The following TANC2 variants were observed in gnomAD, a reference collection of about 807,000 sequenced individuals.
TANC2 encodes the protein protein TANC2.
TANC2 carries 26 observed loss-of-function variants against 210.5 expected under a neutral mutation model. The observed-to-expected ratio is 0.12, with a 90% CI of 0.09 to 0.17. TANC2 has a LOEUF of 0.17. Among genes scored for constraint, TANC2 ranks in the 10% least tolerant of loss-of-function variants. The pLI is 1.00. For missense variants in TANC2, 2,129 were observed against 2,608.9 expected (o/e 0.82, Z 4.01); for synonymous variants, 931 against 967.1 (o/e 0.96, Z 0.69).
rs1273719076 is a variant in TANC2, at chr17:63,411,834, A to T, written c.3765+148A>T. 27 of 1,401,076 alleles carry T rather than the reference A, an allele frequency of 1.9e-5. No homozygotes were observed. In the East Asian group the frequency reaches 5.9e-4, roughly 31 times the overall value. The allele number at this position is 1,401,076 out of a possible 1,614,324, so 86.8% of individuals were successfully genotyped here. The stretch of plus-strand genomic sequence containing the variant: ...CTTGCTAGAGAGCAAGAATATTCAA[A>T]ATGCTGTTAAAGATCAAGGATATAG... On this transcript the variant is annotated intron_variant, in intron 22 of 27. Coordinates refer to ENST00000689528, the Ensembl canonical transcript of TANC2.
chr17:63,314,456 A>G (rs2045246858), exon 10 of TANC2: 1 of 1,613,830 alleles, frequency 6.2e-7, no homozygotes, highest in Admixed American at 1.7e-5. Context: ...GCCCAGCATC[A>G]CTACAGAGTC....
At chr17:63,217,213 G>A (rs1321403828) in intron 7 of TANC2, among the ~76,000 whole-genome samples, 2 of 152,110 alleles carry the variant, frequency 1.3e-5, no homozygotes, top group East Asian at 3.9e-4. Context: ...ATACAGAGCA[G>A]AGATCAGTTA....
At chr17:63,115,007 T>C (rs2038198973) in intron 4 of TANC2, among the ~76,000 whole-genome samples, 1 of 152,220 alleles carries the variant, frequency 6.6e-6, no homozygotes. Flanking sequence ...TTTACATTTT[T>C]TGCAGAACTT....
At chr17:63,218,013 G>T (rs1218619708) in intron 7 of TANC2, among the ~76,000 whole-genome samples, 1 of 152,134 alleles carries the variant, frequency 6.6e-6, no homozygotes, top group Non-Finnish European at 1.5e-5. Context: ...GGTTAGGCAC[G>T]GTGGCTCACG....
intron 1 of TANC2, among the ~76,000 whole-genome samples, chr17:62,994,628 T>G (rs908911998): frequency 9.2e-5 from 14 of 152,198 alleles, no homozygotes; most frequent in African/African-American, 3.4e-4. Context: ...ATTAAAGTTT[T>G]TGTCTGTTAC....
At chr17:63,259,138 A>C (rs1028923305) in intron 8 of TANC2, among the ~76,000 whole-genome samples, 3 of 152,146 alleles carry the variant, frequency 2.0e-5, no homozygotes, top group Admixed American at 6.5e-5. Context: ...TAGGGCCCGA[A>C]ATAGGGGCCC....
intron 14 of TANC2, among the ~76,000 whole-genome samples, chr17:63,372,199 G>A (rs940028559): frequency 3.3e-5 from 5 of 152,128 alleles, no homozygotes; most frequent in South Asian, 2.1e-4. Context: ...TCCTGTTAGC[G>A]TAATTTTTAC....
chr17:63,045,563 A>AT (rs1489181830), intron 2 of TANC2, among the ~76,000 whole-genome samples: 1 of 151,678 alleles, frequency 6.6e-6, no homozygotes, highest in Non-Finnish European at 1.5e-5. Context: ...ATACATTTGG[A>AT]TTTTTTTCCT....
In TANC2 at chr17:63,133,586, C is replaced by T. The variant is rs188406687; in HGVS notation, c.323-17684C>T. Among the ~76,000 whole-genome samples the T allele has an allele frequency of 1.2e-4, 19 of 152,294 alleles. No individual in the cohort carries two copies. In the East Asian group the frequency reaches 3.7e-3, roughly 29 times the overall value. On this transcript the variant is annotated intron_variant, in intron 4 of 27. Coordinates refer to ENST00000689528, the Ensembl canonical transcript of TANC2. ...ATTTGGAATTGTCAGTAAATGATGG[C>T]TCACTGTTATATACTTGCTTCCAGT...
At chr17:63,283,671 A>G (rs941044846) in intron 9 of TANC2, among the ~76,000 whole-genome samples, 1 of 151,906 alleles carries the variant, frequency 6.6e-6, no homozygotes, top group Non-Finnish European at 1.5e-5. Flanking sequence ...TATCAGCTGT[A>G]TTTTCTAGCT....
chr17:63,189,245 G>A (rs2041106026), intron 5 of TANC2, among the ~76,000 whole-genome samples: 1 of 152,134 alleles, frequency 6.6e-6, no homozygotes, highest in Non-Finnish European at 1.5e-5. Context: ...TCATGTACAA[G>A]TTGATGTGTG....
intron 18 of TANC2, chr17:63,396,147 C>T (rs1213176422): frequency 6.2e-6 from 3 of 480,316 alleles, no homozygotes; most frequent in South Asian, 5.5e-5. Context: ...TGGAAAGGAC[C>T]GTGGAAATGA....
intron 3 of TANC2, among the ~76,000 whole-genome samples, chr17:63,086,873 C>G (rs1331517791): frequency 6.6e-6 from 1 of 152,116 alleles, no homozygotes; most frequent in Non-Finnish European, 1.5e-5. Context: ...TTGTAAAATG[C>G]ACCAATCAGC....
chr17:63,114,557 A>G (rs1316157629), intron 4 of TANC2, among the ~76,000 whole-genome samples: 1 of 152,210 alleles, frequency 6.6e-6, no homozygotes, highest in African/African-American at 2.4e-5. Context: ...CCCCGCGTAG[A>G]AAGTTGGCCA....
At chr17:63,386,350 T>C (rs1441885905) in intron 15 of TANC2, among the ~76,000 whole-genome samples, 1 of 152,194 alleles carries the variant, frequency 6.6e-6, no homozygotes, top group Non-Finnish European at 1.5e-5. Context: ...AGAATCCTTC[T>C]TAGTTTTAGG....
At chr17:63,173,655 G>C (rs1010536093) in intron 5 of TANC2, among the ~76,000 whole-genome samples, 3 of 152,158 alleles carry the variant, frequency 2.0e-5, no homozygotes, top group African/African-American at 7.2e-5. Flanking sequence ...GCCAAATGCA[G>C]GTGATTGTGG....
chr17:62,970,278 T>TA (rs1463206093), intron 1 of TANC2, among the ~76,000 whole-genome samples: 1 of 152,228 alleles, frequency 6.6e-6, no homozygotes, highest in Non-Finnish European at 1.5e-5. Context: ...CATATATGCT[T>TA]ACGTAATTTA....
At position 63,335,409 on chromosome 17, in the gene TANC2, G is replaced by A. The variant is rs1413664791; in HGVS notation, c.1576-4692G>A. On this transcript the variant is annotated intron_variant, in intron 11 of 27. Transcript: ENST00000689528. ...GGGCAGATCACAAGGTCAGGAGTTC[G>A]AGACCAGCCTGGCCAATATAGTGAA... 6.6e-5 allele frequency among the ~76,000 whole-genome samples: 10 copies of A among 152,034 alleles called. No individual in the cohort carries two copies. The East Asian group carries it at 7.7e-4, about 12-fold the overall frequency.
intron 11 of TANC2, among the ~76,000 whole-genome samples, chr17:63,335,829 G>A (rs1180569432): frequency 6.6e-6 from 1 of 152,090 alleles, no homozygotes; most frequent in Non-Finnish European, 1.5e-5. Flanking sequence ...ATTTTGCTAT[G>A]GTTATGTAAG....
Sources: gnomAD v4.1 joint callset for allele counts (sites outside exome capture counted in the v4.1 genomes callset) on GRCh38, gnomAD v4.1.1 for gene constraint, MANE v1.5 for transcripts, NCBI Gene and HGNC (gene_info 2026-07-23, HGNC 2026-07-21) for gene names.